NUDT6: variants seen among roughly 807,000 people sequenced by gnomAD.
The protein encoded by NUDT6 is FAD diphosphatase NUDT6.
NUDT6 carries 24 observed loss-of-function variants against 36.8 expected under a neutral mutation model. That is an observed-to-expected ratio of 0.65 (90% confidence interval 0.47 to 0.92). The LOEUF is 0.92. Among genes scored for constraint, NUDT6 ranks in the 40% least tolerant of loss-of-function variants. The pLI, the probability that NUDT6 is intolerant of heterozygous loss-of-function variation, is 0.00. For missense variants in NUDT6, 388 were observed against 392.8 expected, an observed-to-expected ratio of 0.99 and a Z score of 0.10; for synonymous variants, 163 against 157.0, an observed-to-expected ratio of 1.04 and a Z score of -0.29.
chr4:122,913,547 T>C (rs1317335576), intron 2 of NUDT6, among the ~76,000 whole-genome samples: 1 of 152,224 alleles, frequency 6.6e-6, no homozygotes. Flanking sequence ...CTTGAATCAC[T>C]ATGCATACAA....
At position 122,893,100 on chromosome 4, in the gene NUDT6, AGAT is replaced by A; in HGVS notation, c.676_678del (p.Ile226del). The A allele has an allele frequency of 6.2e-7, 1 of 1,614,196 alleles. No homozygotes were observed. Among genetic ancestry groups the A allele is most frequent in the South Asian group, 1.1e-5 (1 of 91,082 alleles). On this transcript the variant is annotated inframe_deletion, in exon 5 of 5. Coordinates refer to ENST00000304430, the MANE Select transcript of NUDT6 (RefSeq NM_007083.5). ...GTGAATGAATATGGCTTTAGGCGGC[AGAT>A]GATATACATATCTGACTTCCCAAAA...
intron 3 of NUDT6, among the ~76,000 whole-genome samples, chr4:122,911,675 T>C (rs898100169): frequency 1.3e-5 from 2 of 152,188 alleles, no homozygotes; most frequent in South Asian, 2.1e-4. Context: ...TTTAAGAACA[T>C]ATGTGGTGGG....
intron 4 of NUDT6, 39 bp downstream of exon 4, chr4:122,897,585 A>C: frequency 7.2e-7 from 1 of 1,379,650 alleles, no homozygotes; most frequent in Non-Finnish European, 1.0e-6. Context: ...TAATTTCCTC[A>C]ACATTTTTAA....
At chr4:122,902,703 C>T (rs776262053) in intron 3 of NUDT6, among the ~76,000 whole-genome samples, 10 of 152,158 alleles carry the variant, frequency 6.6e-5, no homozygotes, top group Non-Finnish European at 5.9e-5. Context: ...ACCCTTAACT[C>T]TTGAACACCC....
chr4:122,896,694 G>A (rs1457491318), intron 4 of NUDT6: 1 of 152,154 alleles, frequency 6.6e-6, no homozygotes. Flanking sequence ...GGATTGTTAC[G>A]AGTTGGCTAT....
intron 3 of NUDT6, among the ~76,000 whole-genome samples, chr4:122,903,937 G>C (rs6852893): frequency 0.91 from 138,637 of 152,264 alleles, 63,328 homozygotes; most frequent in East Asian, 0.96. Flanking sequence ...ACCAGCTGAA[G>C]AGCAAGAGGT....
Position 122,892,830 on chromosome 4 carries a change from A to C in NUDT6, c.949T>G (p.Ter317GluextTer10). The change falls in exon 5 of 5, where the codon TAA (stop) becomes GAA (glutamate). Residue 317 changes from the stop codon to glutamate (E), a stop_lost. Coordinates refer to ENST00000304430, the MANE Select transcript of NUDT6 (RefSeq NM_007083.5). ...TTTCTAAACATATAAATGTGAATTTAATCAATTCCTTTCATAGTTTTATAA... is the reference window on the plus strand; with the variant it reads ...TTTCTAAACATATAAATGTGAATTTCATCAATTCCTTTCATAGTTTTATAA... ...ENYKTMKGID[*>E] is the part of the protein sequence containing the mutation. 1 of 1,591,982 alleles carries C rather than the reference A, an allele frequency of 6.3e-7. No homozygotes were observed. The highest frequency in any genetic ancestry group is 1.1e-5 in the South Asian group (1 of 87,656).
At position 122,897,757 on chromosome 4, in the gene NUDT6, A is replaced by T; in HGVS notation, c.499-79T>A. 3 of 989,560 alleles carry T rather than the reference A, an allele frequency of 3.0e-6. No homozygotes were observed. The South Asian group carries it at 4.0e-5, about 13-fold the overall frequency. The allele number at this position is 989,560 out of a possible 1,614,324, so 61.3% of individuals were successfully genotyped here. A position where few individuals can be genotyped will look rare whatever the true frequency, so the allele number is the denominator to read the frequency against. On this transcript the variant is annotated intron_variant, in intron 3 of 4. Transcript: ENST00000304430. ...TATGTAGATTTCACAAAATCCACCT[A>T]TAATTGGTCAAAGTGGTTGAGAATA...
At chr4:122,899,217 A>G (rs995625173) in intron 3 of NUDT6, among the ~76,000 whole-genome samples, 2 of 151,560 alleles carry the variant, frequency 1.3e-5, no homozygotes, top group Non-Finnish European at 2.9e-5. Context: ...GTTATAATGG[A>G]GCAGACCAAT....
chr4:122,909,928 A>C (rs1284250408), intron 3 of NUDT6, among the ~76,000 whole-genome samples: 1 of 152,226 alleles, frequency 6.6e-6, no homozygotes, highest in Non-Finnish European at 1.5e-5. Context: ...CAATGGGATG[A>C]CGCCTATTTA....
At position 122,921,713 on chromosome 4, in the gene NUDT6, C is replaced by T. The variant is rs557735783; in HGVS notation, c.238+622G>A. 8.6e-5 allele frequency: 13 copies of T among 150,668 alleles called. No individual in the cohort carries two copies. The East Asian group carries it at 2.5e-3, about 30-fold the overall frequency. 9.3% of individuals were successfully genotyped at this position (150,668 alleles called of 1,614,324 possible). A position where few individuals can be genotyped will look rare whatever the true frequency, so the allele number is the denominator to read the frequency against. ...CATTTACCCTGATGTAATTATTACA[C>T]ATTTATACCTCTATCAAAATAGCTC... On this transcript the variant is annotated intron_variant, in intron 1 of 4. Transcript: ENST00000304430.
chr4:122,893,056 T>C lies in NUDT6; in HGVS notation c.723A>G (p.Glu241=), dbSNP rs751612205. The C allele has an allele frequency of 6.2e-6, 10 of 1,614,200 alleles. No homozygotes were observed. The highest frequency in any genetic ancestry group is 5.9e-6 in the Non-Finnish European group (7 of 1,180,052). Residue 241 remains glutamate (E), a synonymous_variant, in exon 5 of 5, where the codon GAA becomes GAG. Transcript: ENST00000304430. ...PYSFTINFCQ[E]ECLRCEWMDL... ...CCATCCACTCACATCTTAAGCATTCTTCCTGGCAAAAATTTATGGTGAATG... is the reference window on the plus strand; with the variant it reads ...CCATCCACTCACATCTTAAGCATTCCTCCTGGCAAAAATTTATGGTGAATG...
intron 2 of NUDT6, among the ~76,000 whole-genome samples, chr4:122,915,744 G>A (rs1367484480): frequency 6.6e-6 from 1 of 152,136 alleles, no homozygotes; most frequent in Non-Finnish European, 1.5e-5. Context: ...ACTCTTAAGA[G>A]TCTGTGCCCG....
intron 3 of NUDT6, among the ~76,000 whole-genome samples, chr4:122,905,947 C>T (rs56724523): frequency 9.9e-4 from 151 of 152,296 alleles, no homozygotes; most frequent in African/African-American, 3.6e-3. Context: ...CTATCTTTTG[C>T]AGAGCCCTCA....
chr4:122,914,004 C>T (rs1727781028), intron 2 of NUDT6, among the ~76,000 whole-genome samples: 2 of 152,160 alleles, frequency 1.3e-5, no homozygotes, highest in African/African-American at 2.4e-5. Context: ...AATTGAGCTC[C>T]TACTATGTGC....
intron 3 of NUDT6, among the ~76,000 whole-genome samples, chr4:122,910,335 GAC>G (rs1346035405): frequency 6.6e-6 from 1 of 152,198 alleles, no homozygotes; most frequent in Non-Finnish European, 1.5e-5. Flanking sequence ...TTTGGAGTAA[GAC>G]AATTCAGCTA....
At chr4:122,922,667 C>T (rs1231978776), upstream of NUDT6, 10 of 1,072,970 alleles carry the variant, frequency 9.3e-6, no homozygotes, top group East Asian at 2.5e-5. Context: ...GCCATCAATA[C>T]CCTCAGAGTT....
chr4:122,919,731 T>C (rs1727927488), intron 1 of NUDT6: 1 of 152,238 alleles, frequency 6.6e-6, no homozygotes, highest in Admixed American at 6.5e-5. Context: ...TCCTAACCAC[T>C]GCTCATGAGC....
chr4:122,906,476 G>A (rs1271931934), intron 3 of NUDT6, among the ~76,000 whole-genome samples: 1 of 152,076 alleles, frequency 6.6e-6, no homozygotes, highest in Admixed American at 6.6e-5. Context: ...GTTACTATAT[G>A]CCAGGGCTTA....
Sources: allele counts gnomAD v4.1 joint callset (sites outside exome capture counted in the v4.1 genomes callset), GRCh38; gene constraint gnomAD v4.1.1; transcripts MANE v1.5; gene names NCBI Gene and HGNC (gene_info 2026-07-23, HGNC 2026-07-21).